AATF: variants seen among roughly 807,000 people sequenced by gnomAD.
AATF encodes the protein protein AATF.
In AATF, 48 loss-of-function variants were observed where a neutral mutation model predicts 63.7. The observed-to-expected ratio is 0.75, with a 90% CI of 0.60 to 0.96. The LOEUF (loss-of-function observed/expected upper bound fraction) is 0.96, where lower values mean the gene tolerates loss of function less well. AATF is among the 40% of genes least tolerant of loss of function. The probability of loss-of-function intolerance (pLI) is 0.00; values close to 1 mark genes in which losing one functional copy is unlikely to be tolerated. For synonymous variants in AATF, 258 were observed against 247.7 expected, an observed-to-expected ratio of 1.04 and a Z score of -0.39; for missense variants, 639 against 685.7, an observed-to-expected ratio of 0.93 and a Z score of 0.76.
At chr17:36,956,988 AAGAG>A (rs779285659) in intron 4 of AATF, among the ~76,000 whole-genome samples, 51 of 151,838 alleles carry the variant, frequency 3.4e-4, no homozygotes, top group Admixed American at 8.5e-4. Context: ...CGAAAAAAAA[AAGAG>A]AGAGAGAGAG....
At position 36,953,117 on chromosome 17, in the gene AATF, A is replaced by T. The variant is rs775709661; in HGVS notation, c.515A>T (p.Glu172Val). Residue 172 changes from glutamate to valine, a missense_variant, in exon 3 of 12, where the codon GAG (glutamate) becomes GTG (valine). Physicochemically the swap from Glu to Val is moderately radical, Grantham distance 121. Coordinates refer to ENST00000619387, the MANE Select transcript of AATF (RefSeq NM_012138.4). ...ATGGATGACCTTGGGAGCAGTGAGG[A>T]GGAGGAAGACGAAGAGAGTGGCATG... ...KGMDDLGSSE[E>V]EEDEESGMEE... 1 of 1,614,168 alleles carries T rather than the reference A, an allele frequency of 6.2e-7. No individual in the cohort carries two copies. Among genetic ancestry groups the T allele is most frequent in the African/African-American group, 1.3e-5 (1 of 75,036 alleles).
chr17:37,031,658 A>G lies in AATF; in HGVS notation c.1592A>G (p.Asp531Gly), dbSNP rs761079040. 1.9e-6 allele frequency: 3 copies of G among 1,614,142 alleles called. No individual in the cohort carries two copies. Among genetic ancestry groups the G allele is most frequent in the Non-Finnish European group, 2.5e-6 (3 of 1,180,004 alleles). Reference protein sequence around the residue: ...SKLLSFMAPIDHTTMNDDART... With the variant: ...SKLLSFMAPIGHTTMNDDART... ...CTACTGAGTTTCATGGCACCTATTG[A>G]CCATACTACAATGAATGATGATGCC... The change falls in exon 11 of 12, where the codon GAC becomes GGC. Residue 531 changes from aspartate to glycine, a missense_variant. By Grantham distance (94) the Asp-to-Gly change is moderately conservative (BLOSUM62 -1). Coordinates refer to ENST00000619387, the MANE Select transcript of AATF (RefSeq NM_012138.4).
intron 9 of AATF, among the ~76,000 whole-genome samples, chr17:37,019,456 A>G (rs1414443691): frequency 6.6e-6 from 1 of 152,190 alleles, no homozygotes; most frequent in African/African-American, 2.4e-5. Context: ...TCTCAGTCGA[A>G]TCTGCTTTGT....
chr17:37,031,435 G>A lies in AATF; in HGVS notation c.1548-179G>A, dbSNP rs181052295. On this transcript the variant is annotated intron_variant, in intron 10 of 11. Coordinates refer to ENST00000619387, the MANE Select transcript of AATF (RefSeq NM_012138.4). ...AACCATTCCTCCACAGATACCATGGGATGACTGTAGTTGGTCATCCCAATG... is the reference window on the plus strand; with the variant it reads ...AACCATTCCTCCACAGATACCATGGAATGACTGTAGTTGGTCATCCCAATG... The A allele has an allele frequency of 5.4e-4, 336 of 621,818 alleles. 2 individuals carry two copies. Among genetic ancestry groups the A allele is most frequent in the South Asian group, 1.1e-3 (59 of 54,380 alleles). 38.5% of individuals were successfully genotyped at this position (621,818 alleles called of 1,614,324 possible).
chr17:36,978,721 A>G (rs1339216223), intron 4 of AATF, among the ~76,000 whole-genome samples: 1 of 151,912 alleles, frequency 6.6e-6, no homozygotes, highest in African/African-American at 2.4e-5. Flanking sequence ...CTAGTTGGCC[A>G]TATGTTGGAA....
At chr17:36,954,604 A>G (rs1427503607) in intron 4 of AATF, among the ~76,000 whole-genome samples, 2 of 152,200 alleles carry the variant, frequency 1.3e-5, no homozygotes, top group African/African-American at 4.8e-5. Context: ...CCGAGGGAGA[A>G]ACACATTTTA....
intron 4 of AATF, among the ~76,000 whole-genome samples, chr17:36,985,513 G>A (rs1402253586): frequency 6.6e-6 from 1 of 150,814 alleles, no homozygotes; most frequent in African/African-American, 2.4e-5. Context: ...GAAACTCCTG[G>A]ACTCAAGCAG....
At chr17:37,055,714 C>G (rs2071792591) in intron 11 of AATF, 1 of 152,330 alleles carries the variant, frequency 6.6e-6, no homozygotes, top group Admixed American at 6.5e-5. Flanking sequence ...ATGGCTGCCT[C>G]TGCGGCCACG....
At chr17:37,017,157 C>G (rs1296369746) in intron 8 of AATF, among the ~76,000 whole-genome samples, 1 of 152,166 alleles carries the variant, frequency 6.6e-6, no homozygotes, top group African/African-American at 2.4e-5. Flanking sequence ...TCCATGAGCA[C>G]TTGCACCCCG....
At chr17:36,966,443 T>A (rs181664050) in intron 4 of AATF, among the ~76,000 whole-genome samples, 113 of 151,746 alleles carry the variant, frequency 7.4e-4, no homozygotes, top group Admixed American at 5.8e-3. Context: ...TTAAAAAAAA[T>A]TTCTGGTAGA....
intron 4 of AATF, among the ~76,000 whole-genome samples, chr17:36,968,418 G>T (rs994737103): frequency 1.3e-5 from 2 of 150,322 alleles, no homozygotes; most frequent in African/African-American, 4.9e-5. Flanking sequence ...GGGACTACAG[G>T]TGCACGCCAC....
chr17:37,007,948 A>C (rs554243034), intron 8 of AATF, among the ~76,000 whole-genome samples: 5 of 152,316 alleles, frequency 3.3e-5, no homozygotes, highest in Non-Finnish European at 5.9e-5. Context: ...TAGTTTGGAA[A>C]AGTCCTTTAA....
At position 37,056,871 on chromosome 17, in the gene AATF, A is replaced by C; in HGVS notation, c.*207A>C. On this transcript the variant is annotated 3_prime_UTR_variant, in exon 12 of 12. Coordinates refer to ENST00000619387, the MANE Select transcript of AATF (RefSeq NM_012138.4). ...ACAAATAAAGAGCATTGTTACCGCC[A>C]CCACCGCTTGTGATTTCTTAAGAGG... 1 of 583,918 alleles carries C rather than the reference A, an allele frequency of 1.7e-6. No individual in the cohort carries two copies. The highest frequency in any genetic ancestry group is 3.2e-5 in the Admixed American group (1 of 31,674). The allele number at this position is 583,918 out of a possible 1,614,324, so 36.2% of individuals were successfully genotyped here. A position where few individuals can be genotyped will look rare whatever the true frequency, so the allele number is the denominator to read the frequency against.
intron 4 of AATF, among the ~76,000 whole-genome samples, chr17:36,958,046 C>T (rs1446722597): frequency 1.3e-5 from 2 of 152,126 alleles, no homozygotes; most frequent in East Asian, 1.9e-4. Context: ...TCAAAGACAT[C>T]GTCTGATATT....
Position 36,989,270 on chromosome 17 carries a change from A to G in AATF, c.1173A>G (p.Ser391=), listed in dbSNP as rs538798741. 4.0e-5 allele frequency: 64 copies of G among 1,612,992 alleles called. No homozygotes were observed. In the South Asian group the frequency reaches 6.3e-4, roughly 16 times the overall value. ...LGKGFGAFER[S]ILTQIDHILM... is the part of the protein sequence containing the mutation. ...AGGGTTTTGGTGCCTTTGAACGCTC[A>G]ATCTTGACTCAGATCGACCATATTC... The change falls in exon 7 of 12, where the codon TCA becomes TCG. Residue 391 remains serine (S), a synonymous_variant. Coordinates refer to ENST00000619387, the MANE Select transcript of AATF (RefSeq NM_012138.4).
At chr17:36,964,600 G>C (rs2070976205) in intron 4 of AATF, among the ~76,000 whole-genome samples, 1 of 152,188 alleles carries the variant, frequency 6.6e-6, no homozygotes, top group Admixed American at 6.5e-5. Context: ...TTGGAAAATT[G>C]TGTTTTCTTC....
At chr17:37,050,083 A>T (rs1240242960) in intron 11 of AATF, among the ~76,000 whole-genome samples, 1 of 152,182 alleles carries the variant, frequency 6.6e-6, no homozygotes, top group African/African-American at 2.4e-5. Context: ...AAAAGAACAG[A>T]TTTAGTTAGA....
chr17:37,038,618 T>A (rs1450124925), intron 11 of AATF, among the ~76,000 whole-genome samples: 2 of 152,140 alleles, frequency 1.3e-5, no homozygotes, highest in Admixed American at 6.5e-5. Flanking sequence ...CTAAATAGAT[T>A]TCCCCCCCTT....
intron 8 of AATF, among the ~76,000 whole-genome samples, chr17:37,009,692 C>G (rs932023742): frequency 3.3e-5 from 5 of 150,536 alleles, no homozygotes; most frequent in African/African-American, 1.2e-4. Flanking sequence ...TGGCGGGCGC[C>G]TGTAGTCCCA....
Sources: gnomAD v4.1 joint callset for allele counts (sites outside exome capture counted in the v4.1 genomes callset) on GRCh38, gnomAD v4.1.1 for gene constraint, MANE v1.5 for transcripts, NCBI Gene and HGNC (gene_info 2026-07-23, HGNC 2026-07-21) for gene names.